The following NME5 variants were observed in gnomAD, a reference collection of about 807,000 sequenced individuals.
NME5 encodes nucleoside diphosphate kinase 5.
A neutral mutation model predicts 21.6 loss-of-function variants in NME5; 18 were observed. The ratio of observed to expected loss-of-function variants is 0.83; its 90% CI spans 0.58 to 1.24. The LOEUF (loss-of-function observed/expected upper bound fraction) is 1.24, where lower values mean the gene tolerates loss of function less well. Among genes scored for constraint, NME5 ranks in the 50% most tolerant of loss-of-function variants. NME5 has a pLI of 0.00. For synonymous variants in NME5, 70 were observed against 80.6 expected (o/e 0.87, Z 0.71); for missense variants, 223 against 255.4 (o/e 0.87, Z 0.86).
At position 138,122,615 on chromosome 5, in the gene NME5, ATATAT is replaced by A. The variant is rs947260243; in HGVS notation, c.437-3684_437-3680del. On this transcript the variant is annotated intron_variant, in intron 4 of 5. Transcript: ENST00000265191. ...CTCAATATGGGCAAATGTTTTATTCATATATTATATAAAGTTCATTATGCCAATTT... is the reference window on the plus strand; with the variant it reads ...CTCAATATGGGCAAATGTTTTATTCATATATAAAGTTCATTATGCCAATTT... 1.4e-3 allele frequency among the ~76,000 whole-genome samples: 216 copies of A among 151,934 alleles called. 1 individual carries two copies. The highest frequency in any genetic ancestry group is 4.8e-3 in the African/African-American group (199 of 41,470).
intron 5 of NME5, among the ~76,000 whole-genome samples, chr5:138,117,476 A>G (rs1216262732): frequency 6.6e-6 from 1 of 152,158 alleles, no homozygotes. Flanking sequence ...AGGGTTTAAC[A>G]TCTAGAAATA....
At chr5:138,134,032 A>C (rs1751634044) in intron 2 of NME5, among the ~76,000 whole-genome samples, 1 of 152,334 alleles carries the variant, frequency 6.6e-6, no homozygotes, top group African/African-American at 2.4e-5. Context: ...AGGATGTACC[A>C]TGGCTGCCTT....
At chr5:138,136,663 CGA>C (rs1169256270) in intron 2 of NME5, among the ~76,000 whole-genome samples, 1 of 150,386 alleles carries the variant, frequency 6.6e-6, no homozygotes, top group Admixed American at 6.6e-5. Flanking sequence ...TTTTTTTTTT[CGA>C]GAGTTTCGCT....
chr5:138,124,603 C>G (rs2151161991), intron 4 of NME5, among the ~76,000 whole-genome samples: 1 of 152,288 alleles, frequency 6.6e-6, no homozygotes, highest in Non-Finnish European at 1.5e-5. Flanking sequence ...TCACTGCGGC[C>G]TCGACCTGCT....
At chr5:138,134,922 C>G (rs1399517070) in intron 2 of NME5, among the ~76,000 whole-genome samples, 1 of 150,326 alleles carries the variant, frequency 6.7e-6, no homozygotes, top group Non-Finnish European at 1.5e-5. Context: ...TCGCTGTGGT[C>G]TCAATCTCCT....
intron 2 of NME5, among the ~76,000 whole-genome samples, chr5:138,133,713 C>T (rs1487136447): frequency 6.6e-6 from 1 of 152,178 alleles, no homozygotes; most frequent in Non-Finnish European, 1.5e-5. Context: ...ACTCCCAAGC[C>T]TATTTTAAAA....
chr5:138,119,163 A>G (rs1195383462), intron 4 of NME5, among the ~76,000 whole-genome samples: 3 of 151,978 alleles, frequency 2.0e-5, no homozygotes, highest in African/African-American at 7.3e-5. Context: ...AGTAGCTGGG[A>G]CTACAGGTCC....
intron 2 of NME5, chr5:138,138,363 A>G: frequency 3.4e-6 from 1 of 297,400 alleles, no homozygotes; most frequent in South Asian, 3.6e-5. Flanking sequence ...TGGGGGGAAA[A>G]TGTTTATAAA....
At chr5:138,115,976 G>A (rs1045205103) in intron 5 of NME5, among the ~76,000 whole-genome samples, 1 of 152,098 alleles carries the variant, frequency 6.6e-6, no homozygotes. Flanking sequence ...TTTCACAGAT[G>A]GCATAAACCT....
rs547389380 is a variant in NME5, at chr5:138,125,759, C to T, written c.436+2720G>A. On this transcript the variant is annotated intron_variant, in intron 4 of 5. Coordinates refer to ENST00000265191, the MANE Select transcript of NME5 (RefSeq NM_003551.3). Reference sequence around the variant, plus strand: ...CCTTCTGAGTAGCTGAGATTACAAGCGTGCGCCACCACGCCTGGCTAATTT... The same window carrying T: ...CCTTCTGAGTAGCTGAGATTACAAGTGTGCGCCACCACGCCTGGCTAATTT... 7.2e-5 allele frequency among the ~76,000 whole-genome samples: 11 copies of T among 152,230 alleles called. No homozygotes were observed. In the South Asian group the frequency reaches 1.0e-3, roughly 14 times the overall value.
chr5:138,135,491 C>T (rs1581387841), intron 2 of NME5, among the ~76,000 whole-genome samples: 1 of 151,844 alleles, frequency 6.6e-6, no homozygotes, highest in South Asian at 2.1e-4. Flanking sequence ...CGTGCCACCA[C>T]ACCCAGGTAA....
intron 4 of NME5, among the ~76,000 whole-genome samples, chr5:138,126,073 C>A (rs35475097): frequency 0.054 from 8,222 of 152,266 alleles, 329 homozygotes; most frequent in African/African-American, 0.11. Context: ...AAGAACTTCA[C>A]AGCAAAAGAG....
intron 2 of NME5, among the ~76,000 whole-genome samples, chr5:138,138,140 C>CT (rs751528889): frequency 6.8e-4 from 103 of 152,266 alleles, no homozygotes; most frequent in Non-Finnish European, 1.3e-3. Context: ...GAACATAAGG[C>CT]TTAAAACATT....
intron 2 of NME5, among the ~76,000 whole-genome samples, chr5:138,135,391 A>G (rs1159643800): frequency 6.6e-6 from 1 of 150,738 alleles, no homozygotes; most frequent in Non-Finnish European, 1.5e-5. Flanking sequence ...CTGGAGTGCA[A>G]TGGCACGATC....
At chr5:138,122,661 T>C (rs1049706772) in intron 4 of NME5, among the ~76,000 whole-genome samples, 2 of 122,716 alleles carry the variant, frequency 1.6e-5, no homozygotes, top group African/African-American at 6.1e-5. Context: ...GTACTAATCA[T>C]TAAACAAAAA....
chr5:138,131,988 G>A (rs957628367), intron 2 of NME5, among the ~76,000 whole-genome samples: 8 of 152,124 alleles, frequency 5.3e-5, no homozygotes, highest in Non-Finnish European at 8.8e-5. Flanking sequence ...CAGATGATCT[G>A]CCCACCTTGG....
At chr5:138,137,483 A>G (rs1457606861) in intron 2 of NME5, among the ~76,000 whole-genome samples, 1 of 151,562 alleles carries the variant, frequency 6.6e-6, no homozygotes, top group Non-Finnish European at 1.5e-5. Context: ...ACGCCCAGCT[A>G]ATTTTTGTAT....
intron 2 of NME5, among the ~76,000 whole-genome samples, chr5:138,131,195 C>A (rs765836003): frequency 7.3e-6 from 1 of 137,172 alleles, no homozygotes; most frequent in African/African-American, 2.8e-5. Flanking sequence ...GATGAAACCC[C>A]GTCTCTGCTA....
At chr5:138,116,698 C>T (rs1751164016) in intron 5 of NME5, 1 of 153,442 alleles carries the variant, frequency 6.5e-6, no homozygotes, top group African/African-American at 2.4e-5. Flanking sequence ...AATGAGAATC[C>T]AGGAATAAAC....
Sources: allele counts gnomAD v4.1 joint callset (sites outside exome capture counted in the v4.1 genomes callset), GRCh38; gene constraint gnomAD v4.1.1; transcripts MANE v1.5; gene names NCBI Gene and HGNC (gene_info 2026-07-23, HGNC 2026-07-21).